NAALADL2: variants seen among roughly 807,000 people sequenced by gnomAD.
The protein encoded by NAALADL2 is inactive N-acetylated-alpha-linked acidic dipeptidase-like protein 2.
A neutral mutation model predicts 87.2 loss-of-function variants in NAALADL2; 76 were observed. The observed-to-expected ratio is 0.87, with a 90% CI of 0.72 to 1.05. The LOEUF is 1.05. NAALADL2 is among the 50% of genes least tolerant of loss of function. The probability of loss-of-function intolerance (pLI) is 0.00; values close to 1 mark genes in which losing one functional copy is unlikely to be tolerated. For synonymous variants in NAALADL2, 354 were observed against 331.0 expected, an observed-to-expected ratio of 1.07 and a Z score of -0.75; for missense variants, 1,089 against 945.8, an observed-to-expected ratio of 1.15 and a Z score of -1.99.
intron 11 of NAALADL2, among the ~76,000 whole-genome samples, chr3:175,648,442 C>A (rs1730307149): frequency 1.3e-5 from 2 of 151,292 alleles, no homozygotes; most frequent in South Asian, 4.2e-4. Flanking sequence ...AACTATAGTA[C>A]CCCTGTTGGC....
At chr3:174,870,592 T>TA (rs56071821) in intron 1 of NAALADL2, among the ~76,000 whole-genome samples, 20,100 of 148,154 alleles carry the variant, frequency 0.14, 1,444 homozygotes, top group Middle Eastern at 0.17. Context: ...AACAAAAAAA[T>TA]AAAAAAAAAA....
At chr3:175,171,450 T>G (rs1013107001) in intron 2 of NAALADL2, among the ~76,000 whole-genome samples, 1 of 152,100 alleles carries the variant, frequency 6.6e-6, no homozygotes, top group Non-Finnish European at 1.5e-5. Flanking sequence ...GTATAATATA[T>G]TCCTGTACTT....
At chr3:175,572,877 G>A (rs1263620429) in intron 9 of NAALADL2, among the ~76,000 whole-genome samples, 1 of 147,688 alleles carries the variant, frequency 6.8e-6, no homozygotes, top group Non-Finnish European at 1.5e-5. Context: ...GCAACATTTA[G>A]CAACATAGTG....
At chr3:175,619,701 C>G (rs1279549350) in intron 10 of NAALADL2, among the ~76,000 whole-genome samples, 1 of 152,026 alleles carries the variant, frequency 6.6e-6, no homozygotes, top group Non-Finnish European at 1.5e-5. Flanking sequence ...TGCAACGACA[C>G]CCTTAACATT....
In NAALADL2 at chr3:175,429,131, T is replaced by G. The variant is rs192584337; in HGVS notation, c.1091-18098T>G. Among the ~76,000 whole-genome samples, 81 of 151,684 alleles carry G rather than the reference T, an allele frequency of 5.3e-4. 1 individual carries two copies. Among genetic ancestry groups the G allele is most frequent in the Admixed American group, 9.9e-4 (15 of 15,156 alleles). ...TAGAATAAAAGTATATATTAAAATGTTAACATAAATTCTGTTAATTCTGGA... is the reference window on the plus strand; with the variant it reads ...TAGAATAAAAGTATATATTAAAATGGTAACATAAATTCTGTTAATTCTGGA... On this transcript the variant is annotated intron_variant, in intron 5 of 13. Transcript: ENST00000454872.
At chr3:174,569,906 G>A (rs1306966110) in intron 2 of NAALADL2, among the ~76,000 whole-genome samples, 2 of 152,198 alleles carry the variant, frequency 1.3e-5, no homozygotes, top group African/African-American at 4.8e-5. Flanking sequence ...AAACAACTCA[G>A]GGCCTGCACT....
chr3:175,768,977 A>G (rs937175385), intron 13 of NAALADL2, among the ~76,000 whole-genome samples: 1 of 152,206 alleles, frequency 6.6e-6, no homozygotes, highest in African/African-American at 2.4e-5. Context: ...ATTTTATCTT[A>G]CACATACAAA....
chr3:175,097,686 T>C (rs1299364493), intron 2 of NAALADL2, among the ~76,000 whole-genome samples: 1 of 152,092 alleles, frequency 6.6e-6, no homozygotes, highest in Non-Finnish European at 1.5e-5. Flanking sequence ...ATAAACCTGC[T>C]TTATGGGCTG....
At chr3:174,724,982 A>G (rs1732050693) in intron 2 of NAALADL2, among the ~76,000 whole-genome samples, 1 of 152,198 alleles carries the variant, frequency 6.6e-6, no homozygotes, top group South Asian at 2.1e-4. Context: ...TGACTTTTCA[A>G]AAAAATCTAG....
chr3:174,938,960 A>AT (rs202166728), intron 1 of NAALADL2, among the ~76,000 whole-genome samples: 1,827 of 152,016 alleles, frequency 0.012, 40 homozygotes, highest in African/African-American at 0.042. Flanking sequence ...ATTTTCTCCC[A>AT]TTCTGTAGGT....
At chr3:175,263,363 T>C (rs975304914) in intron 4 of NAALADL2, among the ~76,000 whole-genome samples, 1 of 151,942 alleles carries the variant, frequency 6.6e-6, no homozygotes. Flanking sequence ...TAACTGAAAG[T>C]TTCAACTTCT....
intron 1 of NAALADL2, among the ~76,000 whole-genome samples, chr3:174,928,870 A>C (rs1053704877): frequency 2.0e-5 from 3 of 152,184 alleles, no homozygotes; most frequent in African/African-American, 7.2e-5. Context: ...ACTTTTATTC[A>C]TGTTTGACTC....
chr3:175,216,284 A>C (rs1742508374), intron 2 of NAALADL2, among the ~76,000 whole-genome samples: 1 of 152,092 alleles, frequency 6.6e-6, no homozygotes, highest in African/African-American at 2.4e-5. Flanking sequence ...AACAAAACCA[A>C]ATTTTGCTGT....
intron 4 of NAALADL2, among the ~76,000 whole-genome samples, chr3:175,314,559 C>A (rs1758790937): frequency 1.5e-5 from 1 of 65,360 alleles, no homozygotes; most frequent in Admixed American, 2.0e-4. Context: ...CCTTCACATT[C>A]TAACTATATA....
At chr3:174,836,967 A>G (rs1018963699) in intron 3 of NAALADL2, among the ~76,000 whole-genome samples, 15 of 152,080 alleles carry the variant, frequency 9.9e-5, no homozygotes, top group Non-Finnish European at 1.9e-4. Context: ...AAAACGATAT[A>G]TGCCACAACC....
At chr3:175,278,502 C>T (rs1395682734) in intron 4 of NAALADL2, among the ~76,000 whole-genome samples, 1 of 152,106 alleles carries the variant, frequency 6.6e-6, no homozygotes, top group Non-Finnish European at 1.5e-5. Flanking sequence ...CAAACACTCA[C>T]CATAGTGATT....
chr3:174,666,972 G>A (rs57109462), intron 2 of NAALADL2, among the ~76,000 whole-genome samples: 8,868 of 152,124 alleles, frequency 0.058, 880 homozygotes, highest in African/African-American at 0.2. Flanking sequence ...CTAACATAGT[G>A]TCCTCAAGGT....
intron 2 of NAALADL2, among the ~76,000 whole-genome samples, chr3:175,170,028 A>G (rs1734567907): frequency 6.6e-6 from 1 of 151,884 alleles, no homozygotes; most frequent in African/African-American, 2.4e-5. Flanking sequence ...GAATAAGCCT[A>G]CTGTGTTGAC....
chr3:175,181,767 G>GTGTATATATGTGTGTATGTA (rs1430499104), intron 2 of NAALADL2, among the ~76,000 whole-genome samples: 2 of 121,044 alleles, frequency 1.7e-5, no homozygotes, highest in Non-Finnish European at 3.4e-5. Flanking sequence ...GTGTATATAT[G>GTGTATATATGTGTGTATGTA]TGTGTATATA....
Sources: allele counts gnomAD v4.1 joint callset (sites outside exome capture counted in the v4.1 genomes callset), GRCh38; gene constraint gnomAD v4.1.1; transcripts MANE v1.5; gene names NCBI Gene and HGNC (gene_info 2026-07-23, HGNC 2026-07-21).